ATG16L2: variants seen among roughly 807,000 people sequenced by gnomAD.
ATG16L2 encodes the protein autophagy related 16 like 2.
Under a neutral mutation model 84.7 loss-of-function variants are expected in ATG16L2, and 77 were observed. The ratio of observed to expected loss-of-function variants is 0.91; its 90% CI spans 0.76 to 1.10. The LOEUF (loss-of-function observed/expected upper bound fraction) is 1.10. Among genes scored for constraint, ATG16L2 ranks in the 50% least tolerant of loss-of-function variants. The pLI is 0.00. For missense variants in ATG16L2, 782 were observed against 817.6 expected (o/e 0.96, Z 0.53); for synonymous variants, 361 against 342.8 (o/e 1.05, Z -0.59).
At position 72,821,750 on chromosome 11, in the gene ATG16L2, C is replaced by CA; in HGVS notation, c.392+9_392+10insA. On this transcript the variant is annotated intron_variant, in intron 4 of 17. Transcript: ENST00000321297. ...CAGCAGAGGCAAAGCAGGTGAGGCG[C>CA]GGGCGGGGGCGGGAGGGACCGCGCC... The CA allele has an allele frequency of 7.0e-7, 1 of 1,434,508 alleles. No individual in the cohort carries two copies. Among genetic ancestry groups the CA allele is most frequent in the South Asian group, 1.2e-5 (1 of 81,504 alleles). 88.9% of individuals were successfully genotyped at this position (1,434,508 alleles called of 1,614,324 possible). A position where few individuals can be genotyped will look rare whatever the true frequency, so the allele number is the denominator to read the frequency against.
chr11:72,825,902 G>A (rs1860318783), intron 10 of ATG16L2, among the ~76,000 whole-genome samples: 1 of 152,118 alleles, frequency 6.6e-6, no homozygotes, highest in Non-Finnish European at 1.5e-5. Context: ...GCCTGATCCT[G>A]GCTTGCTGCG....
rs763491240 is a variant in ATG16L2 at position 72,824,060 on chromosome 11, G to A, written c.825G>A (p.Arg275=). Reference sequence around the variant, plus strand: ...CATATCTCTCTTGGTTTTGTCTCAGGTCTGCCTCAGCCACCTCCCTGACGC... The same window carrying A: ...CATATCTCTCTTGGTTTTGTCTCAGATCTGCCTCAGCCACCTCCCTGACGC... ...EACEKWKRPF[R]SASATSLTLS... The change falls in exon 8 of 18, where the codon AGG becomes AGA. Residue 275 remains arginine (R), a splice_region_variant and synonymous_variant. Transcript: ENST00000321297. 2 of 1,614,228 alleles carry A rather than the reference G, an allele frequency of 1.2e-6. No homozygotes were observed. Among genetic ancestry groups the A allele is most frequent in the South Asian group, 1.1e-5 (1 of 91,084 alleles).
At chr11:72,828,623 G>C in intron 15 of ATG16L2, 106 bp from the exon 16 acceptor site, 1 of 1,591,904 alleles carries the variant, frequency 6.3e-7, no homozygotes, top group Admixed American at 1.7e-5. Flanking sequence ...ACCAGGTCCT[G>C]CTGAGGTACC....
At chr11:72,834,098 AG>A (rs1591320689), downstream of ATG16L2, among the ~76,000 whole-genome samples, 1 of 152,140 alleles carries the variant, frequency 6.6e-6, no homozygotes, top group Non-Finnish European at 1.5e-5. Context: ...AGGCAAACAC[AG>A]GAAGAGTCTA....
exon 6 of ATG16L2, chr11:72,842,638 A>G: frequency 6.2e-7 from 1 of 1,614,032 alleles, no homozygotes. Context: ...TCTCTCATCC[A>G]TGGAGTGTCA....
intron 5 of ATG16L2, among the ~76,000 whole-genome samples, chr11:72,836,124 A>G (rs1860721092): frequency 6.6e-6 from 1 of 152,220 alleles, no homozygotes; most frequent in Non-Finnish European, 1.5e-5. Context: ...AAAAATGCTT[A>G]CTGCATGTCC....
intron 1 of ATG16L2, 106 bp downstream of exon 1, chr11:72,814,669 C>A: frequency 3.4e-6 from 3 of 881,086 alleles, no homozygotes; most frequent in Non-Finnish European, 5.0e-6. Context: ...GTGCGCTGTG[C>A]CTTATGCCTT....
At chr11:72,830,715 A>G (rs1860588389), downstream of ATG16L2, among the ~76,000 whole-genome samples, 1 of 152,170 alleles carries the variant, frequency 6.6e-6, no homozygotes, top group African/African-American at 2.4e-5. Flanking sequence ...GACCACCCGC[A>G]ACCCCAGCAT....
At chr11:72,821,401 A>G (rs1859982633) in intron 3 of ATG16L2, 2 of 1,272,610 alleles carry the variant, frequency 1.6e-6, no homozygotes, top group Admixed American at 3.5e-5. Flanking sequence ...TGCTCTTGCC[A>G]GAGAGGTTCC....
At chr11:72,823,877 C>G in intron 7 of ATG16L2, 183 bp from the exon 8 acceptor site, 1 of 771,684 alleles carries the variant, frequency 1.3e-6, no homozygotes. Context: ...TCCATTGCTG[C>G]CCCGACCTTC....
chr11:72,843,194 C>G, exon 6 of ATG16L2: 1 of 1,613,968 alleles, frequency 6.2e-7, no homozygotes, highest in East Asian at 2.2e-5. Flanking sequence ...GTTCTGCTTC[C>G]GTGGAATTGC....
intron 9 of ATG16L2, among the ~76,000 whole-genome samples, 191 bp downstream of exon 9, chr11:72,825,033 G>C (rs1860258728): frequency 6.6e-6 from 1 of 152,190 alleles, no homozygotes; most frequent in African/African-American, 2.4e-5. Flanking sequence ...GCATAAGCCG[G>C]GGAGGGAGAG....
Position 72,822,471 on chromosome 11 carries a change from C to T in ATG16L2, c.645-7C>T, listed in dbSNP as rs185295626. ...CCAGGGTCTCAGGATGCTTTTTACCCAACAAGGGCCAAGCAGGCGCGGGTG... is the reference window on the plus strand; with the variant it reads ...CCAGGGTCTCAGGATGCTTTTTACCTAACAAGGGCCAAGCAGGCGCGGGTG... On this transcript the variant is annotated splice_region_variant and splice_polypyrimidine_tract_variant and intron_variant, in intron 5 of 17. Coordinates refer to ENST00000321297, the MANE Select transcript of ATG16L2 (RefSeq NM_033388.2). The surrounding 1 kb of genome is among the most constrained non-coding windows in gnomAD (Gnocchi z 4.2). 4 of 1,613,202 alleles carry T rather than the reference C, an allele frequency of 2.5e-6. No homozygotes were observed. The African/African-American group carries it at 5.3e-5, about 22-fold the overall frequency.
chr11:72,816,705 G>T, intron 1 of ATG16L2, 23 bp from the exon 2 acceptor site: 1 of 1,595,704 alleles, frequency 6.3e-7, no homozygotes. Context: ...TCTGCCCCAG[G>T]CTCACTCTCT....
intron 3 of ATG16L2, chr11:72,821,298 A>C (rs1859977484): frequency 1.9e-6 from 2 of 1,031,466 alleles, no homozygotes; most frequent in Admixed American, 5.4e-5. Flanking sequence ...GGCATTTGGC[A>C]GCCTCTGCGC....
At chr11:72,824,445 A>ATGT (rs1421398215) in intron 8 of ATG16L2, 46 of 561,460 alleles carry the variant, frequency 8.2e-5, no homozygotes, top group East Asian at 4.0e-4. Flanking sequence ...ATTCAGAGTC[A>ATGT]CAGAGCCAAG....
At chr11:72,821,765 G>C in intron 4 of ATG16L2, 24 bp downstream of exon 4, 1 of 1,527,954 alleles carries the variant, frequency 6.5e-7, no homozygotes, top group Non-Finnish European at 8.7e-7. Flanking sequence ...GGGGGCGGGA[G>C]GGACCGCGCC....
intron 7 of ATG16L2, chr11:72,823,836 AG>A: frequency 1.4e-6 from 1 of 693,498 alleles, no homozygotes; most frequent in Non-Finnish European, 2.7e-6. Flanking sequence ...TCCCATCATG[AG>A]GGAGACCTTG....
At chr11:72,824,533 CCT>C in intron 8 of ATG16L2, 199 bp from the exon 9 acceptor site, 1 of 601,022 alleles carries the variant, frequency 1.7e-6, no homozygotes, top group Non-Finnish European at 3.0e-6. Context: ...CCTGTGTCTG[CCT>C]CTGTGTGCTC....
Sources: allele counts gnomAD v4.1 joint callset (sites outside exome capture counted in the v4.1 genomes callset), GRCh38; gene constraint gnomAD v4.1.1; non-coding constraint Gnocchi (gnomAD v3.1); transcripts MANE v1.5; gene names NCBI Gene and HGNC (gene_info 2026-07-23, HGNC 2026-07-21).